P3H2: variants seen among roughly 807,000 people sequenced by gnomAD.
P3H2 encodes prolyl 3-hydroxylase 2, also known as leprecan-like 1.
Under a neutral mutation model 87.0 loss-of-function variants are expected in P3H2, and 80 were observed. That is an observed-to-expected ratio of 0.92 (90% CI 0.77 to 1.11). P3H2 has a LOEUF of 1.11. P3H2 is among the 50% of genes least tolerant of loss of function. The probability of loss-of-function intolerance (pLI) is 0.00; values close to 1 mark genes in which losing one functional copy is unlikely to be tolerated. For missense variants in P3H2, 1,001 were observed against 923.9 expected, an observed-to-expected ratio of 1.08 and a Z score of -1.08; for synonymous variants, 367 against 359.3, an observed-to-expected ratio of 1.02 and a Z score of -0.24.
intron 1 of P3H2, among the ~76,000 whole-genome samples, chr3:190,112,521 C>G (rs1712108773): frequency 1.3e-5 from 2 of 152,270 alleles, no homozygotes; most frequent in Non-Finnish European, 2.9e-5. Context: ...CTTAGGTCTA[C>G]CAATATTTTC....
At chr3:189,974,271 A>C in intron 9 of P3H2, 1 of 591,264 alleles carries the variant, frequency 1.7e-6, no homozygotes, top group Non-Finnish European at 3.0e-6. Flanking sequence ...ATAATTAATT[A>C]AAATAAAAGG....
At chr3:190,015,526 G>C (rs983373465) in intron 1 of P3H2, among the ~76,000 whole-genome samples, 10 of 152,146 alleles carry the variant, frequency 6.6e-5, no homozygotes, top group African/African-American at 2.4e-4. Context: ...GGTAGAAATA[G>C]CACTGACCCA....
chr3:190,012,699 C>T (rs939281277), intron 1 of P3H2, among the ~76,000 whole-genome samples: 1 of 152,100 alleles, frequency 6.6e-6, no homozygotes, highest in African/African-American at 2.4e-5. Flanking sequence ...CAACTAAATC[C>T]CATATGATCC....
At chr3:190,113,318 T>A (rs1712146299) in intron 1 of P3H2, among the ~76,000 whole-genome samples, 1 of 149,912 alleles carries the variant, frequency 6.7e-6, no homozygotes, top group East Asian at 1.9e-4. Context: ...TTTTTCATGA[T>A]CTTTGAGGGC....
intron 8 of P3H2, among the ~76,000 whole-genome samples, chr3:189,974,956 A>G (rs1246273177): frequency 6.6e-6 from 1 of 152,178 alleles, no homozygotes; most frequent in African/African-American, 2.4e-5. Context: ...TTTGTTTCTA[A>G]TGCTGATCCC....
intron 1 of P3H2, among the ~76,000 whole-genome samples, chr3:190,058,264 G>T (rs1726223598): frequency 6.6e-6 from 1 of 151,970 alleles, no homozygotes. Context: ...AGTAAGATGG[G>T]GATAAGCTAC....
At chr3:190,100,205 G>A (rs1577323818) in intron 1 of P3H2, among the ~76,000 whole-genome samples, 1 of 149,754 alleles carries the variant, frequency 6.7e-6, no homozygotes, top group East Asian at 2.0e-4. Flanking sequence ...TTGCACTCCA[G>A]CCTGGGCGAC....
chr3:190,059,598 C>T (rs1726273179), intron 1 of P3H2, among the ~76,000 whole-genome samples: 1 of 152,148 alleles, frequency 6.6e-6, no homozygotes, highest in African/African-American at 2.4e-5. Context: ...CTGCTTTCCT[C>T]CAACGCCAGC....
chr3:190,078,198 C>A lies in P3H2; in HGVS notation c.480+42054G>T, dbSNP rs1726931387. Among the ~76,000 whole-genome samples the A allele has an allele frequency of 2.0e-5, 3 of 152,166 alleles. No individual in the cohort carries two copies. In the South Asian group the frequency reaches 6.2e-4, roughly 32 times the overall value. The stretch of plus-strand genomic sequence containing the variant: ...GCACTCAAAGTCCCTGGACTGTAAG[C>A]TCCACTAATCCAAAAATTATGTCTG... On this transcript the variant is annotated intron_variant, in intron 1 of 14. Coordinates refer to ENST00000319332, the MANE Select transcript of P3H2 (RefSeq NM_018192.4).
At chr3:189,997,937 G>T in intron 1 of P3H2, among the ~76,000 whole-genome samples, 1 of 152,126 alleles carries the variant, frequency 6.6e-6, no homozygotes, top group Admixed American at 6.5e-5. Flanking sequence ...CCTGGAAAAA[G>T]TTGTTTAAAC....
chr3:190,011,193 A>C (rs1459504570), intron 1 of P3H2, among the ~76,000 whole-genome samples: 1 of 151,856 alleles, frequency 6.6e-6, no homozygotes, highest in Non-Finnish European at 1.5e-5. Context: ...GAATTGCTTG[A>C]ACCCAGGAGG....
At chr3:190,071,596 G>A (rs546523327) in intron 1 of P3H2, among the ~76,000 whole-genome samples, 2 of 152,262 alleles carry the variant, frequency 1.3e-5, no homozygotes, top group African/African-American at 4.8e-5. Context: ...TTCCATTTGA[G>A]GAAAGATCAT....
chr3:190,108,611 C>T (rs1711945247), intron 1 of P3H2, among the ~76,000 whole-genome samples: 1 of 152,022 alleles, frequency 6.6e-6, no homozygotes, highest in African/African-American at 2.4e-5. Flanking sequence ...ATAGGAGTGC[C>T]TCTGTTTATT....
At chr3:190,013,213 C>T (rs1365912505) in intron 1 of P3H2, among the ~76,000 whole-genome samples, 1 of 152,184 alleles carries the variant, frequency 6.6e-6, no homozygotes, top group Non-Finnish European at 1.5e-5. Context: ...ATACACATGA[C>T]AATGATCAGG....
chr3:190,061,162 C>A (rs1330211657), intron 1 of P3H2, among the ~76,000 whole-genome samples: 1 of 152,234 alleles, frequency 6.6e-6, no homozygotes, highest in Admixed American at 6.5e-5. Flanking sequence ...ACTAAAACAC[C>A]TTCTTCCTCC....
chr3:190,034,851 TTC>T (rs1284580205), intron 1 of P3H2, among the ~76,000 whole-genome samples: 84 of 60,816 alleles, frequency 1.4e-3, no homozygotes, highest in African/African-American at 5.0e-3. Context: ...TTCTTTTCTT[TTC>T]TTTTTTTTTT....
rs1169291078 is a variant in P3H2 at position 190,021,382 on chromosome 3, A to G, written c.481-25940T>C. 2.2e-5 allele frequency among the ~76,000 whole-genome samples: 3 copies of G among 135,174 alleles called. 1 individual carries two copies. The highest frequency in any genetic ancestry group is 3.3e-5 in the Non-Finnish European group (2 of 60,472). 88.7% of individuals were successfully genotyped at this position (135,174 alleles called of 152,430 possible). ...AAGATTGAAAAAGTAAAATTCAATT[A>G]TTAAACTATTTCAGTTTGTTTTTAA... On this transcript the variant is annotated intron_variant, in intron 1 of 14. Coordinates refer to ENST00000319332, the MANE Select transcript of P3H2 (RefSeq NM_018192.4).
intron 14 of P3H2, among the ~76,000 whole-genome samples, chr3:189,958,603 C>A (rs986824002): frequency 6.6e-6 from 1 of 152,004 alleles, no homozygotes; most frequent in Non-Finnish European, 1.5e-5. Flanking sequence ...CTCAGCGACA[C>A]CCCGTCCTCT....
chr3:190,033,880 C>T (rs1725332688), intron 1 of P3H2, among the ~76,000 whole-genome samples: 1 of 152,152 alleles, frequency 6.6e-6, no homozygotes, highest in African/African-American at 2.4e-5. Context: ...AAGACAATCT[C>T]CTCTTTTCAA....
Sources: gnomAD v4.1 joint callset for allele counts (sites outside exome capture counted in the v4.1 genomes callset) on GRCh38, gnomAD v4.1.1 for gene constraint, MANE v1.5 for transcripts, NCBI Gene and HGNC (gene_info 2026-07-23, HGNC 2026-07-21) for gene names.